Variants in LRRC4C observed in about 807,000 individuals in gnomAD.
LRRC4C encodes the protein leucine rich repeat containing 4C, also known as leucine-rich repeat-containing protein 4C.
Under a neutral mutation model 33.6 loss-of-function variants are expected in LRRC4C, and 5 were observed. The observed-to-expected ratio is 0.15, with a 90% confidence interval of 0.08 to 0.31. LRRC4C has a LOEUF of 0.31. Among genes scored for constraint, LRRC4C ranks in the 10% least tolerant of loss-of-function variants. LRRC4C has a pLI of 1.00. For missense variants in LRRC4C, 560 were observed against 796.7 expected (o/e 0.70, Z 3.58); for synonymous variants, 329 against 302.0 (o/e 1.09, Z -0.93).
rs543236355 is a variant in LRRC4C, at chr11:40,399,710, A to G, written c.-269-79989T>C. Among the ~76,000 whole-genome samples, 8 of 152,184 alleles carry G rather than the reference A, an allele frequency of 5.3e-5. No homozygotes were observed. The South Asian group carries it at 1.0e-3, about 20-fold the overall frequency. On this transcript the variant is annotated intron_variant, in intron 3 of 6. Coordinates refer to ENST00000528697, the MANE Select transcript of LRRC4C (RefSeq NM_001258419.2). The stretch of plus-strand genomic sequence containing the variant: ...ATAATAAAAAACCACCACCACCACC[A>G]CGACAACAACAACAACAAAAGTTAC...
intron 1 of LRRC4C, among the ~76,000 whole-genome samples, chr11:41,119,859 G>A (rs1942334076): frequency 1.3e-5 from 2 of 152,070 alleles, no homozygotes; most frequent in Admixed American, 6.6e-5. Context: ...GAGGACATTA[G>A]TTTCAATTTT....
intron 1 of LRRC4C, among the ~76,000 whole-genome samples, chr11:41,055,348 G>A (rs975428116): frequency 2.0e-5 from 3 of 151,888 alleles, no homozygotes; most frequent in East Asian, 1.9e-4. Flanking sequence ...TCCAGCTTGG[G>A]GCATTTACAA....
At chr11:40,514,138 G>T (rs778248221) in intron 3 of LRRC4C, among the ~76,000 whole-genome samples, 1 of 152,168 alleles carries the variant, frequency 6.6e-6, no homozygotes, top group Non-Finnish European at 1.5e-5. Flanking sequence ...ACAGTAGAGT[G>T]ACAAAGACCT....
At chr11:40,143,123 C>T (rs1335790226) in intron 5 of LRRC4C, among the ~76,000 whole-genome samples, 2 of 152,124 alleles carry the variant, frequency 1.3e-5, no homozygotes, top group Admixed American at 1.3e-4. Flanking sequence ...TATCCTATCA[C>T]CCATGCATTG....
chr11:40,360,883 T>A (rs1401206543), intron 3 of LRRC4C, among the ~76,000 whole-genome samples: 1 of 152,114 alleles, frequency 6.6e-6, no homozygotes, highest in Non-Finnish European at 1.5e-5. Flanking sequence ...TAGCACCACA[T>A]CAAAAATTTA....
chr11:40,381,488 A>G lies in LRRC4C; in HGVS notation c.-269-61767T>C, dbSNP rs116627295. ...AACATTTCTTATAATTATCAAGTAC[A>G]TACTGTCTCTGGTGTTGAAAATTGG... is the stretch of plus-strand genomic sequence containing the variant. On this transcript the variant is annotated intron_variant, in intron 3 of 6. Coordinates refer to ENST00000528697, the MANE Select transcript of LRRC4C (RefSeq NM_001258419.2). 5.4e-3 allele frequency among the ~76,000 whole-genome samples: 815 copies of G among 152,320 alleles called. 6 individuals carry two copies. The highest frequency in any genetic ancestry group is 0.018 in the African/African-American group (743 of 41,574).
At chr11:40,457,577 GCACCAT>G (rs1227440886) in intron 3 of LRRC4C, among the ~76,000 whole-genome samples, 1 of 152,048 alleles carries the variant, frequency 6.6e-6, no homozygotes, top group Non-Finnish European at 1.5e-5. Flanking sequence ...TCTCCTAGGT[GCACCAT>G]CACCTCTGGC....
At chr11:40,334,460 C>A (rs1946506927) in intron 3 of LRRC4C, among the ~76,000 whole-genome samples, 1 of 152,138 alleles carries the variant, frequency 6.6e-6, no homozygotes, top group South Asian at 2.1e-4. Context: ...TATTGCACAG[C>A]AGTACACCAC....
At chr11:40,473,215 C>A (rs1312093168) in intron 3 of LRRC4C, among the ~76,000 whole-genome samples, 1 of 152,126 alleles carries the variant, frequency 6.6e-6, no homozygotes, top group East Asian at 1.9e-4. Flanking sequence ...AAAATACTGG[C>A]AAACCAAATG....
chr11:40,325,619 C>A (rs1459006902), intron 3 of LRRC4C, among the ~76,000 whole-genome samples: 3 of 151,302 alleles, frequency 2.0e-5, no homozygotes, highest in Admixed American at 6.6e-5. Context: ...CAGAGCAAGG[C>A]CCTGTATCAA....
chr11:40,622,720 C>T, intron 3 of LRRC4C, among the ~76,000 whole-genome samples: 1 of 151,756 alleles, frequency 6.6e-6, no homozygotes, highest in Non-Finnish European at 1.5e-5. Context: ...GGAGTTTGAG[C>T]CTCAGGTCCA....
intron 1 of LRRC4C, among the ~76,000 whole-genome samples, chr11:41,451,435 G>C (rs1474297636): frequency 6.6e-6 from 1 of 151,918 alleles, no homozygotes; most frequent in Non-Finnish European, 1.5e-5. Context: ...TAGTCTTGGA[G>C]AAAAATATGT....
chr11:40,668,581 A>AT (rs1198381169), intron 2 of LRRC4C, among the ~76,000 whole-genome samples: 1 of 152,106 alleles, frequency 6.6e-6, no homozygotes, highest in Non-Finnish European at 1.5e-5. Context: ...AAACCCTTGT[A>AT]TTTTCTACTG....
chr11:40,272,654 C>A (rs1466524785), intron 4 of LRRC4C, among the ~76,000 whole-genome samples: 1 of 151,996 alleles, frequency 6.6e-6, no homozygotes, highest in Non-Finnish European at 1.5e-5. Flanking sequence ...CTGTTCCACT[C>A]CTAGCACATT....
intron 3 of LRRC4C, among the ~76,000 whole-genome samples, chr11:40,481,674 G>A (rs1354912677): frequency 2.6e-5 from 4 of 151,946 alleles, no homozygotes; most frequent in Non-Finnish European, 5.9e-5. Flanking sequence ...TTTTCAGGAG[G>A]GAATGTATCC....
chr11:40,841,851 T>C (rs147027634), intron 2 of LRRC4C, among the ~76,000 whole-genome samples: 7 of 152,326 alleles, frequency 4.6e-5, no homozygotes, highest in Non-Finnish European at 1.0e-4. Context: ...TTTGGCCATG[T>C]TAGTGGCTAG....
intron 1 of LRRC4C, among the ~76,000 whole-genome samples, chr11:41,191,318 T>G (rs1945935252): frequency 6.6e-6 from 1 of 152,180 alleles, no homozygotes; most frequent in Admixed American, 6.5e-5. Context: ...TCTACTTTAT[T>G]TATGCCATGC....
At chr11:40,991,487 T>G (rs2137254136) in intron 1 of LRRC4C, among the ~76,000 whole-genome samples, 1 of 152,280 alleles carries the variant, frequency 6.6e-6, no homozygotes, top group East Asian at 1.9e-4. Flanking sequence ...GGAGTGACTG[T>G]TGGTGGTAGT....
intron 3 of LRRC4C, among the ~76,000 whole-genome samples, chr11:40,378,564 A>T (rs1405690453): frequency 6.6e-6 from 1 of 152,058 alleles, no homozygotes; most frequent in Non-Finnish European, 1.5e-5. Flanking sequence ...AAATATTGAA[A>T]GAAATATTTC....
Sources: gnomAD v4.1 joint callset for allele counts (sites outside exome capture counted in the v4.1 genomes callset) on GRCh38, gnomAD v4.1.1 for gene constraint, MANE v1.5 for transcripts, NCBI Gene and HGNC (gene_info 2026-07-23, HGNC 2026-07-21) for gene names.